MBOAT2: variants seen among roughly 807,000 people sequenced by gnomAD.
The protein encoded by MBOAT2 is membrane-bound glycerophospholipid O-acyltransferase 2.
Under a neutral mutation model 63.4 loss-of-function variants are expected in MBOAT2, and 28 were observed. That is an observed-to-expected ratio of 0.44 (90% confidence interval 0.33 to 0.61). The LOEUF is 0.61. MBOAT2 is among the 20% of genes least tolerant of loss of function. MBOAT2 has a pLI of 0.03. For missense variants in MBOAT2, 470 were observed against 605.8 expected (o/e 0.78, Z 2.35); for synonymous variants, 211 against 215.6 (o/e 0.98, Z 0.19).
intron 1 of MBOAT2, among the ~76,000 whole-genome samples, chr2:8,968,954 T>C (rs1670231435): frequency 6.6e-6 from 1 of 152,196 alleles, no homozygotes; most frequent in South Asian, 2.1e-4. Context: ...AAAAACACTC[T>C]GCAGGATATT....
Position 8,968,634 on chromosome 2 carries a change from A to C in MBOAT2, c.76-9992T>G, listed in dbSNP as rs559761119. ...ACAAAGAAGCTAAAAACCTTGAAAA[A>C]AGATTAGACGAATGGCTAACTAGAA... On this transcript the variant is annotated intron_variant, in intron 1 of 12. Transcript: ENST00000305997. 2.0e-5 allele frequency among the ~76,000 whole-genome samples: 3 copies of C among 152,312 alleles called. No homozygotes were observed. The East Asian group carries it at 5.8e-4, about 29-fold the overall frequency.
chr2:8,916,499 C>T (rs751596167), intron 3 of MBOAT2, among the ~76,000 whole-genome samples: 3 of 152,098 alleles, frequency 2.0e-5, no homozygotes, highest in South Asian at 4.1e-4. Flanking sequence ...GGAAATTGCT[C>T]AGGGAAATTG....
chr2:8,888,520 C>T (rs1663733080), intron 4 of MBOAT2, among the ~76,000 whole-genome samples: 1 of 152,118 alleles, frequency 6.6e-6, no homozygotes, highest in South Asian at 2.1e-4. Flanking sequence ...GAGTTACAGA[C>T]TCTAAACACA....
chr2:8,862,160 T>C lies in MBOAT2; in HGVS notation c.1185+430A>G, dbSNP rs2148508017. On this transcript the variant is annotated intron_variant, in intron 11 of 12. Transcript: ENST00000305997. The surrounding 1 kb of genome is among the most constrained non-coding windows in gnomAD (Gnocchi z 4.3). ...TAGGCAAATACTCTAAAGAACTGTG[T>C]CCTCTTCCAGTGTGGCTCATCCACT... 1 of 444,136 alleles carries C rather than the reference T, an allele frequency of 2.3e-6. No individual in the cohort carries two copies. The allele number at this position is 444,136 out of a possible 1,614,324, so 27.5% of individuals were successfully genotyped here.
At position 8,857,287 on chromosome 2, in the gene MBOAT2, G is replaced by C. The variant is rs923036929; in HGVS notation, c.*1392C>G. The C allele has an allele frequency of 2.0e-5, 3 of 152,710 alleles. No homozygotes were observed. Among genetic ancestry groups the C allele is most frequent in the Admixed American group, 2.0e-4 (3 of 15,288 alleles). The allele number at this position is 152,710 out of a possible 1,614,324, so 9.5% of individuals were successfully genotyped here. A position where few individuals can be genotyped will look rare whatever the true frequency, so the allele number is the denominator to read the frequency against. On this transcript the variant is annotated 3_prime_UTR_variant, in exon 13 of 13. Coordinates refer to ENST00000305997, the MANE Select transcript of MBOAT2 (RefSeq NM_138799.4). ...CCCCCTCCCCTCCTACAGGGCAGGA[G>C]GTACAATCTGGGGCTGAGGCCACTC...
chr2:8,938,487 C>T (rs957608633), intron 3 of MBOAT2, among the ~76,000 whole-genome samples: 37 of 152,216 alleles, frequency 2.4e-4, no homozygotes, highest in African/African-American at 8.4e-4. Flanking sequence ...TGTTTCATTC[C>T]ACCACGTTTC....
chr2:8,905,395 C>A (rs1280644685), intron 4 of MBOAT2, among the ~76,000 whole-genome samples: 1 of 152,142 alleles, frequency 6.6e-6, no homozygotes, highest in African/African-American at 2.4e-5. Flanking sequence ...CCACAATGAT[C>A]TCCTTCAGCT....
chr2:8,967,089 T>C lies in MBOAT2; in HGVS notation c.76-8447A>G, dbSNP rs895061324. ...GAGGAATATATATACAACATATAAA[T>C]GTACTTCACAAAAAGTTCCAAAAAG... On this transcript the variant is annotated intron_variant, in intron 1 of 12. Coordinates refer to ENST00000305997, the MANE Select transcript of MBOAT2 (RefSeq NM_138799.4). Among the ~76,000 whole-genome samples, 2 of 152,168 alleles carry C rather than the reference T, an allele frequency of 1.3e-5. 1 individual carries two copies. Among genetic ancestry groups the C allele is most frequent in the Admixed American group, 1.3e-4 (2 of 15,272 alleles).
At position 8,996,843 on chromosome 2, in the gene MBOAT2, T is replaced by C. The variant is rs142275481; in HGVS notation, c.75+6697A>G. 2.2e-3 allele frequency among the ~76,000 whole-genome samples: 337 copies of C among 152,342 alleles called. 2 individuals are homozygous for C. In the East Asian group the frequency reaches 0.032, roughly 14 times the overall value. On this transcript the variant is annotated intron_variant, in intron 1 of 12. Transcript: ENST00000305997. ...TATCTCTTAGCAGAACCCTGAATGA[T>C]ACGTATAACATTAAGCAGAATGTAA...
intron 4 of MBOAT2, among the ~76,000 whole-genome samples, chr2:8,891,959 A>T (rs1664034846): frequency 6.6e-6 from 1 of 152,250 alleles, no homozygotes; most frequent in Admixed American, 6.5e-5. Context: ...TTCAGCTAAT[A>T]TTAAAAAATT....
intron 1 of MBOAT2, among the ~76,000 whole-genome samples, chr2:8,973,520 A>T (rs2103316224): frequency 6.6e-6 from 1 of 151,458 alleles, no homozygotes; most frequent in East Asian, 1.9e-4. Flanking sequence ...AAGTATAATA[A>T]AAATAAATAA....
chr2:8,862,874 C>G lies in MBOAT2; in HGVS notation c.1053-152G>C. 1 of 955,804 alleles carries G rather than the reference C, an allele frequency of 1.0e-6. No homozygotes were observed. The allele number at this position is 955,804 out of a possible 1,614,324, so 59.2% of individuals were successfully genotyped here. On this transcript the variant is annotated intron_variant, in intron 10 of 12. Coordinates refer to ENST00000305997, the MANE Select transcript of MBOAT2 (RefSeq NM_138799.4). The surrounding 1 kb of genome is among the most constrained non-coding windows in gnomAD (Gnocchi z 4.3). The stretch of plus-strand genomic sequence containing the variant: ...TTAGGCAATCACTTCTCTATGATCT[C>G]AGGGAGGCTATAGCTATTAAGTGTC...
At position 8,903,603 on chromosome 2, in the gene MBOAT2, G is replaced by A. The variant is rs1375469875; in HGVS notation, c.395+5018C>T. ...CATCTACAATCTATTATCTCTACCT[G>A]GGGCAAGGATTCACCTTTCTCTTCT... On this transcript the variant is annotated intron_variant, in intron 4 of 12. Coordinates refer to ENST00000305997, the MANE Select transcript of MBOAT2 (RefSeq NM_138799.4). Among the ~76,000 whole-genome samples the A allele has an allele frequency of 7.2e-5, 11 of 151,976 alleles. No individual in the cohort carries two copies. The East Asian group carries it at 2.1e-3, about 29-fold the overall frequency.
At chr2:8,898,369 C>T (rs529457444) in intron 4 of MBOAT2, among the ~76,000 whole-genome samples, 2 of 152,260 alleles carry the variant, frequency 1.3e-5, no homozygotes, top group African/African-American at 2.4e-5. Flanking sequence ...TCCAAAGAAC[C>T]CCCGCAACTG....
intron 3 of MBOAT2, among the ~76,000 whole-genome samples, chr2:8,926,081 G>C (rs1457831510): frequency 6.6e-6 from 1 of 152,070 alleles, no homozygotes; most frequent in African/African-American, 2.4e-5. Context: ...CTGAAGTCTG[G>C]GTCTTAGCAA....
intron 4 of MBOAT2, among the ~76,000 whole-genome samples, chr2:8,893,656 C>T (rs1664190478): frequency 6.6e-6 from 1 of 152,178 alleles, no homozygotes; most frequent in Non-Finnish European, 1.5e-5. Flanking sequence ...GAAGCTTTCT[C>T]TTGAGAACAG....
intron 3 of MBOAT2, among the ~76,000 whole-genome samples, chr2:8,940,331 G>A (rs763031968): frequency 6.6e-6 from 1 of 151,786 alleles, no homozygotes; most frequent in Non-Finnish European, 1.5e-5. Context: ...TCGCTCTGTT[G>A]CACAGGCTGG....
At chr2:8,970,510 T>C (rs1670371226) in intron 1 of MBOAT2, among the ~76,000 whole-genome samples, 1 of 151,768 alleles carries the variant, frequency 6.6e-6, no homozygotes, top group Non-Finnish European at 1.5e-5. Context: ...AGGCAACAAA[T>C]AACTAAGATC....
chr2:8,859,951 A>G (rs1661373268), intron 12 of MBOAT2, among the ~76,000 whole-genome samples: 2 of 152,156 alleles, frequency 1.3e-5, no homozygotes, highest in Admixed American at 6.6e-5. Flanking sequence ...TTGGGAGGCC[A>G]AGGCGGGTGG....
Sources: gnomAD v4.1 joint callset for allele counts (sites outside exome capture counted in the v4.1 genomes callset) on GRCh38, gnomAD v4.1.1 for gene constraint, Gnocchi (gnomAD v3.1) non-coding constraint, MANE v1.5 for transcripts, NCBI Gene and HGNC (gene_info 2026-07-23, HGNC 2026-07-21) for gene names.